Variants in DLGAP2 observed in about 807,000 individuals in gnomAD.
DLGAP2 encodes the protein DLG associated protein 2, also known as disks large-associated protein 2.
DLGAP2 carries 26 observed loss-of-function variants against 100.3 expected under a neutral mutation model. The ratio of observed to expected loss-of-function variants is 0.26; its 90% CI spans 0.19 to 0.36. The LOEUF (loss-of-function observed/expected upper bound fraction) is 0.36. DLGAP2 is among the 10% of genes least tolerant of loss of function. The pLI is 1.00. For missense variants in DLGAP2, 1,858 were observed against 1,453.2 expected, an observed-to-expected ratio of 1.28 and a Z score of -4.53; for synonymous variants, 886 against 630.1, an observed-to-expected ratio of 1.41 and a Z score of -6.08.
At chr8:1,298,803 A>G (rs931061760) in intron 3 of DLGAP2, among the ~76,000 whole-genome samples, 5 of 152,210 alleles carry the variant, frequency 3.3e-5, no homozygotes, top group African/African-American at 9.7e-5. Flanking sequence ...TTGAGAGGCA[A>G]TATAACGCTG....
chr8:1,182,652 C>T (rs975804250), intron 2 of DLGAP2, among the ~76,000 whole-genome samples: 9 of 152,166 alleles, frequency 5.9e-5, no homozygotes, highest in African/African-American at 1.9e-4. Flanking sequence ...GTGACCTCTG[C>T]GTGGTGAGTT....
At chr8:1,210,357 GT>G (rs33942068) in intron 2 of DLGAP2, among the ~76,000 whole-genome samples, 84,037 of 152,142 alleles carry the variant, frequency 0.55, 25,465 homozygotes, top group African/African-American at 0.82. Context: ...CCAGTGCAGT[GT>G]TTTAAGAAAC....
At chr8:1,677,040 A>G (rs1248866333) in intron 11 of DLGAP2, among the ~76,000 whole-genome samples, 2 of 152,236 alleles carry the variant, frequency 1.3e-5, no homozygotes, top group Non-Finnish European at 2.9e-5. Context: ...ATTACCTAGA[A>G]ACAAAAAATA....
At position 1,525,873 on chromosome 8, in the gene DLGAP2, G is replaced by A. The variant is rs999991037; in HGVS notation, c.173-22753G>A. 2.6e-5 allele frequency among the ~76,000 whole-genome samples: 4 copies of A among 152,172 alleles called. No homozygotes were observed. The East Asian group carries it at 7.7e-4, about 29-fold the overall frequency. The stretch of plus-strand genomic sequence containing the variant: ...GACGTTGGGCGGTGATGGGACCTTG[G>A]TGTGTCTTGGCTTTGTCTGTAAAGT... On this transcript the variant is annotated intron_variant, in intron 4 of 14. Coordinates refer to ENST00000637795, the MANE Select transcript of DLGAP2 (RefSeq NM_001346810.2).
At position 1,355,516 on chromosome 8, in the gene DLGAP2, C is replaced by G. The variant is rs1394448626; in HGVS notation, c.106+96633C>G. Among the ~76,000 whole-genome samples the G allele has an allele frequency of 5.3e-5, 8 of 152,004 alleles. No homozygotes were observed. The South Asian group carries it at 1.5e-3, about 28-fold the overall frequency. On this transcript the variant is annotated intron_variant, in intron 3 of 14. Coordinates refer to ENST00000637795, the MANE Select transcript of DLGAP2 (RefSeq NM_001346810.2). ...AGTAGCTGGGATTACAGGTGTGTGCCACCATGCTTGGCTAATTTTTGTATT... is the reference window on the plus strand; with the variant it reads ...AGTAGCTGGGATTACAGGTGTGTGCGACCATGCTTGGCTAATTTTTGTATT...
chr8:1,365,564 G>A (rs149145608), intron 3 of DLGAP2, among the ~76,000 whole-genome samples: 397 of 152,276 alleles, frequency 2.6e-3, no homozygotes, highest in South Asian at 5.6e-3. Flanking sequence ...TTTGCTCGCC[G>A]AGATAAAATA....
At chr8:1,240,723 C>T (rs1251199937) in intron 2 of DLGAP2, among the ~76,000 whole-genome samples, 10 of 147,318 alleles carry the variant, frequency 6.8e-5, no homozygotes, top group African/African-American at 2.5e-4. Context: ...GTCTAGTTCT[C>T]TCACATGGCG....
intron 1 of DLGAP2, among the ~76,000 whole-genome samples, chr8:852,149 C>G (rs1797193392): frequency 6.7e-6 from 1 of 149,132 alleles, no homozygotes; most frequent in African/African-American, 2.5e-5. Context: ...ACATTGGAAG[C>G]TAAAAAAAAA....
chr8:1,381,743 G>C (rs1380722500), intron 3 of DLGAP2, among the ~76,000 whole-genome samples: 1 of 151,110 alleles, frequency 6.6e-6, no homozygotes, highest in Non-Finnish European at 1.5e-5. Context: ...TGCCGTGAAT[G>C]CTGGGATTTT....
chr8:1,641,515 C>G (rs6995152), intron 8 of DLGAP2, among the ~76,000 whole-genome samples: 11,177 of 152,150 alleles, frequency 0.073, 571 homozygotes, highest in African/African-American at 0.14. Flanking sequence ...AATCATAATA[C>G]GAATGAAACT....
intron 3 of DLGAP2, among the ~76,000 whole-genome samples, chr8:1,456,187 C>G (rs1025633986): frequency 3.3e-5 from 5 of 152,196 alleles, no homozygotes; most frequent in African/African-American, 1.2e-4. Context: ...GCTGCGGATT[C>G]TGCAGCATTT....
At chr8:1,557,201 T>A (rs1801994558) in intron 5 of DLGAP2, among the ~76,000 whole-genome samples, 1 of 152,136 alleles carries the variant, frequency 6.6e-6, no homozygotes, top group South Asian at 2.1e-4. Flanking sequence ...AATTACCTGG[T>A]TGGGAACTGC....
intron 8 of DLGAP2, among the ~76,000 whole-genome samples, chr8:1,654,924 C>G (rs1207977065): frequency 6.6e-6 from 1 of 152,166 alleles, no homozygotes; most frequent in Non-Finnish European, 1.5e-5. Context: ...TTGATGCATT[C>G]TCAGTGTTCT....
chr8:752,522 C>G, intron 1 of DLGAP2, among the ~76,000 whole-genome samples: 1 of 152,204 alleles, frequency 6.6e-6, no homozygotes, highest in South Asian at 2.1e-4. Context: ...CGCCTGGGCT[C>G]GGTGTGGGGT....
chr8:1,636,861 A>T (rs1375230332), intron 8 of DLGAP2, among the ~76,000 whole-genome samples: 1 of 152,274 alleles, frequency 6.6e-6, no homozygotes, highest in Non-Finnish European at 1.5e-5. Flanking sequence ...CTGAAAATGG[A>T]TGTCAGCTGG....
chr8:1,636,450 GA>G (rs1797768383), intron 8 of DLGAP2, among the ~76,000 whole-genome samples: 1 of 152,134 alleles, frequency 6.6e-6, no homozygotes, highest in African/African-American at 2.4e-5. Context: ...ACATAGAGGA[GA>G]AAAATTATCT....
chr8:1,526,490 C>G (rs915842236), intron 4 of DLGAP2, among the ~76,000 whole-genome samples: 1 of 152,118 alleles, frequency 6.6e-6, no homozygotes, highest in Non-Finnish European at 1.5e-5. Context: ...AGTGCTGCCT[C>G]TTTATTTTGG....
chr8:1,000,189 GTTT>G, intron 2 of DLGAP2, among the ~76,000 whole-genome samples: 1 of 150,336 alleles, frequency 6.7e-6, no homozygotes, highest in Admixed American at 6.6e-5. Flanking sequence ...GGTGGAGGTG[GTTT>G]TCTTTTGCAC....
intron 3 of DLGAP2, among the ~76,000 whole-genome samples, chr8:1,444,560 A>C (rs75860110): frequency 6.6e-6 from 1 of 151,904 alleles, no homozygotes; most frequent in African/African-American, 2.4e-5. Flanking sequence ...TGATCCTTCA[A>C]AGAGCACATT....
Sources: allele counts gnomAD v4.1 joint callset (sites outside exome capture counted in the v4.1 genomes callset), GRCh38; gene constraint gnomAD v4.1.1; transcripts MANE v1.5; gene names NCBI Gene and HGNC (gene_info 2026-07-23, HGNC 2026-07-21).